Variants in ARHGAP18 observed in about 807,000 individuals in gnomAD.
ARHGAP18 encodes Rho GTPase activating protein 18.
In ARHGAP18, 67 loss-of-function variants were observed where a neutral mutation model predicts 86.2. The ratio of observed to expected loss-of-function variants is 0.78; its 90% CI spans 0.64 to 0.95. The LOEUF is 0.95. Among genes scored for constraint, ARHGAP18 ranks in the 40% least tolerant of loss-of-function variants. The pLI is 0.00. For missense variants in ARHGAP18, 691 were observed against 780.4 expected, an observed-to-expected ratio of 0.89 and a Z score of 1.37; for synonymous variants, 283 against 280.4, an observed-to-expected ratio of 1.01 and a Z score of -0.09.
At chr6:129,593,166 A>C (rs1161278828) in intron 12 of ARHGAP18, among the ~76,000 whole-genome samples, 1 of 152,058 alleles carries the variant, frequency 6.6e-6, no homozygotes, top group Non-Finnish European at 1.5e-5. Flanking sequence ...TTTTGTTCTA[A>C]AATAATATTA....
chr6:129,644,697 G>A (rs1354191501), intron 1 of ARHGAP18, among the ~76,000 whole-genome samples: 1 of 152,218 alleles, frequency 6.6e-6, no homozygotes, highest in Non-Finnish European at 1.5e-5. Flanking sequence ...AAAAGGTGCA[G>A]TTGAACTAGA....
intron 4 of ARHGAP18, among the ~76,000 whole-genome samples, chr6:129,631,799 T>C (rs2114489990): frequency 6.6e-6 from 1 of 151,878 alleles, no homozygotes; most frequent in African/African-American, 2.4e-5. Context: ...TCTGTAGAAA[T>C]TCAAAAGAAA....
At chr6:129,691,986 C>G (rs1774537467) in intron 1 of ARHGAP18, among the ~76,000 whole-genome samples, 1 of 152,194 alleles carries the variant, frequency 6.6e-6, no homozygotes, top group Non-Finnish European at 1.5e-5. Context: ...CTGGGCTTGG[C>G]CTGGGGCTTC....
At chr6:129,641,261 A>G (rs1305786679) in intron 2 of ARHGAP18, among the ~76,000 whole-genome samples, 1 of 152,226 alleles carries the variant, frequency 6.6e-6, no homozygotes, top group Non-Finnish European at 1.5e-5. Flanking sequence ...TTGGCTAGGA[A>G]CAAGATAAAT....
At chr6:129,640,505 G>C (rs1773433346) in intron 2 of ARHGAP18, among the ~76,000 whole-genome samples, 1 of 152,108 alleles carries the variant, frequency 6.6e-6, no homozygotes, top group African/African-American at 2.4e-5. Flanking sequence ...TGACTTTATT[G>C]CTATCATATT....
At chr6:129,651,374 C>T (rs761987679) in intron 1 of ARHGAP18, among the ~76,000 whole-genome samples, 31 of 152,212 alleles carry the variant, frequency 2.0e-4, no homozygotes, top group Middle Eastern at 3.4e-3. Flanking sequence ...AAACAAGTTT[C>T]GGCTCAGAGT....
At chr6:129,620,186 T>A (rs1268040813) in intron 5 of ARHGAP18, among the ~76,000 whole-genome samples, 1 of 152,196 alleles carries the variant, frequency 6.6e-6, no homozygotes, top group Non-Finnish European at 1.5e-5. Flanking sequence ...AAACACAAAA[T>A]TCATTTATGT....
chr6:129,618,390 T>A (rs984844821), intron 6 of ARHGAP18, among the ~76,000 whole-genome samples: 1 of 152,234 alleles, frequency 6.6e-6, no homozygotes, highest in African/African-American at 2.4e-5. Context: ...TGTATCTTTT[T>A]AAATATATAG....
At chr6:129,597,615 G>A (rs1009138310) in intron 12 of ARHGAP18, among the ~76,000 whole-genome samples, 9 of 151,898 alleles carry the variant, frequency 5.9e-5, no homozygotes, top group African/African-American at 1.2e-4. Context: ...CTGGCTCCTC[G>A]AGGGTGAGCA....
chr6:129,651,455 G>A (rs1773708543), intron 1 of ARHGAP18, among the ~76,000 whole-genome samples: 1 of 152,036 alleles, frequency 6.6e-6, no homozygotes, highest in African/African-American at 2.4e-5. Flanking sequence ...TTTACTGAAT[G>A]CCTTACTCTC....
At chr6:129,667,503 G>GTGTGTGTGTGTGTGTGTGTA (rs548429421) in intron 1 of ARHGAP18, among the ~76,000 whole-genome samples, 14 of 145,288 alleles carry the variant, frequency 9.6e-5, no homozygotes, top group East Asian at 2.0e-4. Flanking sequence ...GTGTGTGTGT[G>GTGTGTGTGTGTGTGTGTGTA]TGTTGTGTAT....
chr6:129,642,121 G>A (rs1584081059), intron 1 of ARHGAP18, 103 bp from the exon 2 acceptor site: 1 of 993,564 alleles, frequency 1.0e-6, no homozygotes, highest in Non-Finnish European at 1.5e-6. Context: ...AACTCCTTAA[G>A]TTATCCTTAA....
At chr6:129,668,365 C>CACACACAA (rs1481558681) in intron 1 of ARHGAP18, among the ~76,000 whole-genome samples, 3 of 117,790 alleles carry the variant, frequency 2.5e-5, no homozygotes, top group Admixed American at 2.5e-4. Flanking sequence ...CAAATAATCA[C>CACACACAA]ACACACACAC....
intron 1 of ARHGAP18, among the ~76,000 whole-genome samples, chr6:129,668,159 T>C (rs1774076537): frequency 6.6e-6 from 1 of 152,224 alleles, no homozygotes; most frequent in Non-Finnish European, 1.5e-5. Flanking sequence ...GTCTTGTTTA[T>C]ATTAATTTCC....
At chr6:129,698,952 C>T (rs899032198) in intron 1 of ARHGAP18, among the ~76,000 whole-genome samples, 7 of 152,120 alleles carry the variant, frequency 4.6e-5, no homozygotes, top group Non-Finnish European at 7.4e-5. Flanking sequence ...CTTGGCATCC[C>T]AAAGTGCTGG....
chr6:129,625,711 A>G (rs1789419043), intron 5 of ARHGAP18, among the ~76,000 whole-genome samples: 1 of 70,090 alleles, frequency 1.4e-5, no homozygotes, highest in Non-Finnish European at 2.4e-5. Flanking sequence ...TATATATTAT[A>G]TATTTATATA....
intron 1 of ARHGAP18, among the ~76,000 whole-genome samples, chr6:129,707,965 C>G (rs747025749): frequency 9.9e-5 from 15 of 152,044 alleles, no homozygotes; most frequent in Non-Finnish European, 2.1e-4. Context: ...TTCACCGCCC[C>G]GAAACCACTA....
At chr6:129,697,729 A>T (rs1484621084) in intron 1 of ARHGAP18, among the ~76,000 whole-genome samples, 1 of 152,238 alleles carries the variant, frequency 6.6e-6, no homozygotes, top group Non-Finnish European at 1.5e-5. Flanking sequence ...AAAGAAATTC[A>T]GTCTGGAAAC....
chr6:129,624,080 G>A (rs528787773), intron 5 of ARHGAP18, among the ~76,000 whole-genome samples: 1 of 152,284 alleles, frequency 6.6e-6, no homozygotes, highest in South Asian at 2.1e-4. Context: ...AGGGAGTTTT[G>A]TTTTGAAAGC....
Sources: allele counts gnomAD v4.1 joint callset (sites outside exome capture counted in the v4.1 genomes callset), GRCh38; gene constraint gnomAD v4.1.1; transcripts MANE v1.5; gene names NCBI Gene and HGNC (gene_info 2026-07-23, HGNC 2026-07-21).